KCNMB2: variants seen among roughly 807,000 people sequenced by gnomAD.
KCNMB2 encodes potassium calcium-activated channel subfamily M regulatory beta subunit 2.
KCNMB2 carries 9 observed loss-of-function variants against 24.5 expected under a neutral mutation model. That is an observed-to-expected ratio of 0.37 (90% confidence interval 0.22 to 0.64). The LOEUF (loss-of-function observed/expected upper bound fraction) is 0.64, where lower values mean the gene tolerates loss of function less well. KCNMB2 is among the 30% of genes least tolerant of loss of function. KCNMB2 has a pLI of 0.63. For missense variants in KCNMB2, 226 were observed against 284.3 expected (o/e 0.79, Z 1.47); for synonymous variants, 109 against 104.4 (o/e 1.04, Z -0.27).
chr3:178,548,186 G>C (rs1447187392), intron 1 of KCNMB2, among the ~76,000 whole-genome samples: 5 of 152,114 alleles, frequency 3.3e-5, no homozygotes, highest in African/African-American at 1.2e-4. Flanking sequence ...ATTATCTGGG[G>C]AGCTTTGTAA....
intron 1 of KCNMB2, among the ~76,000 whole-genome samples, chr3:178,598,629 G>A (rs891780112): frequency 1.3e-5 from 2 of 151,934 alleles, no homozygotes; most frequent in African/African-American, 2.4e-5. Context: ...TGTTTGAGCT[G>A]TGTTGTCAAG....
intron 1 of KCNMB2, among the ~76,000 whole-genome samples, chr3:178,631,878 C>A (rs915762278): frequency 6.6e-6 from 1 of 152,182 alleles, no homozygotes; most frequent in Non-Finnish European, 1.5e-5. Flanking sequence ...GATGTTAATT[C>A]TCACATGGAG....
At chr3:178,574,283 C>T (rs912786538) in intron 1 of KCNMB2, among the ~76,000 whole-genome samples, 3 of 152,210 alleles carry the variant, frequency 2.0e-5, no homozygotes, top group Non-Finnish European at 4.4e-5. Context: ...GCACTGAACA[C>T]ACAGGCAGCA....
intron 1 of KCNMB2, among the ~76,000 whole-genome samples, chr3:178,711,770 CTA>C (rs145135736): frequency 0.082 from 12,481 of 152,252 alleles, 630 homozygotes; most frequent in Middle Eastern, 0.22. Flanking sequence ...TGAGAATTTT[CTA>C]TGTGCCAGGC....
intron 1 of KCNMB2, among the ~76,000 whole-genome samples, chr3:178,783,323 G>A (rs1205710751): frequency 6.8e-6 from 1 of 148,088 alleles, no homozygotes; most frequent in Non-Finnish European, 1.5e-5. Flanking sequence ...TTCCAATTCT[G>A]TGAAGAAAGT....
intron 1 of KCNMB2, among the ~76,000 whole-genome samples, chr3:178,774,473 G>A (rs971462545): frequency 6.6e-6 from 1 of 152,150 alleles, no homozygotes; most frequent in Admixed American, 6.5e-5. Context: ...GAAAATACTT[G>A]AAGTCAAGCA....
intron 1 of KCNMB2, among the ~76,000 whole-genome samples, chr3:178,638,587 T>C (rs146653250): frequency 6.6e-6 from 1 of 152,212 alleles, no homozygotes; most frequent in Non-Finnish European, 1.5e-5. Context: ...CTTTTTATGA[T>C]AAAATACTCA....
intron 1 of KCNMB2, among the ~76,000 whole-genome samples, chr3:178,750,875 C>T (rs915908701): frequency 6.6e-6 from 1 of 152,234 alleles, no homozygotes; most frequent in African/African-American, 2.4e-5. Context: ...TAACTTCCTG[C>T]TTCATGTAAT....
intron 1 of KCNMB2, among the ~76,000 whole-genome samples, chr3:178,589,213 T>A (rs901086691): frequency 2.6e-5 from 4 of 152,178 alleles, no homozygotes; most frequent in African/African-American, 7.2e-5. Context: ...AGCCCTCCAA[T>A]TAGAAAACAC....
intron 1 of KCNMB2, among the ~76,000 whole-genome samples, chr3:178,614,293 A>ATATATATATATATATATATATG: frequency 1.2e-5 from 1 of 85,968 alleles, no homozygotes; most frequent in Non-Finnish European, 2.3e-5. Flanking sequence ...ATATATATAT[A>ATATATATATATATATATATATG]TATGTATGTA....
At chr3:178,575,293 T>C (rs573058255) in intron 1 of KCNMB2, among the ~76,000 whole-genome samples, 5 of 151,944 alleles carry the variant, frequency 3.3e-5, no homozygotes, top group African/African-American at 1.2e-4. Context: ...GCAGGGTGAG[T>C]TGGGTTCTGG....
intron 1 of KCNMB2, among the ~76,000 whole-genome samples, chr3:178,787,667 C>CCT (rs1398577716): frequency 6.6e-6 from 1 of 151,728 alleles, no homozygotes; most frequent in African/African-American, 2.4e-5. Context: ...CCTCATTTTC[C>CCT]CTCTCTCTCT....
At chr3:178,559,959 TA>T in intron 1 of KCNMB2, among the ~76,000 whole-genome samples, 1 of 147,666 alleles carries the variant, frequency 6.8e-6, no homozygotes, top group Non-Finnish European at 1.5e-5. Flanking sequence ...CAAATATGTA[TA>T]AAATATATAT....
intron 1 of KCNMB2, among the ~76,000 whole-genome samples, chr3:178,542,517 AG>A (rs1351127925): frequency 4.6e-5 from 7 of 152,182 alleles, no homozygotes; most frequent in South Asian, 4.1e-4. Context: ...AAATTGCTCA[AG>A]GTCAAAGAGC....
intron 1 of KCNMB2, among the ~76,000 whole-genome samples, chr3:178,609,030 G>A (rs1718381700): frequency 6.6e-6 from 1 of 152,078 alleles, no homozygotes; most frequent in African/African-American, 2.4e-5. Context: ...TGGATCGTAT[G>A]GCAGCTCAAT....
chr3:178,759,611 A>G (rs1394678783), intron 1 of KCNMB2, among the ~76,000 whole-genome samples: 1 of 131,718 alleles, frequency 7.6e-6, no homozygotes, highest in Non-Finnish European at 1.6e-5. Flanking sequence ...AAGAGGATAT[A>G]TATACATATA....
Position 178,668,529 on chromosome 3 carries a change from G to A in KCNMB2, c.-68+131818G>A, listed in dbSNP as rs569384153. ...CCCTAGCAGGAAGTGAGGTTAGATA[G>A]AGGTAGGAAAAAAGAAATGTCAGGG... On this transcript the variant is annotated intron_variant, in intron 1 of 4. Coordinates refer to ENST00000452583, the MANE Select transcript of KCNMB2 (RefSeq NM_181361.3). Among the ~76,000 whole-genome samples, 79 of 152,188 alleles carry A rather than the reference G, an allele frequency of 5.2e-4. 2 individuals carry two copies. The highest frequency in any genetic ancestry group is 5.2e-3 in the Admixed American group (79 of 15,288).
At chr3:178,680,435 A>C (rs2108593557) in intron 1 of KCNMB2, among the ~76,000 whole-genome samples, 1 of 152,118 alleles carries the variant, frequency 6.6e-6, no homozygotes. Flanking sequence ...CTTTATCCAA[A>C]CCTTTTTTTT....
At chr3:178,786,066 C>T (rs541643717) in intron 1 of KCNMB2, among the ~76,000 whole-genome samples, 8 of 152,194 alleles carry the variant, frequency 5.3e-5, no homozygotes, top group Middle Eastern at 6.8e-3. Context: ...CACAATTGCA[C>T]TAAGCAATAA....
Sources: gnomAD v4.1 joint callset for allele counts (sites outside exome capture counted in the v4.1 genomes callset) on GRCh38, gnomAD v4.1.1 for gene constraint, MANE v1.5 for transcripts, NCBI Gene and HGNC (gene_info 2026-07-23, HGNC 2026-07-21) for gene names.